HSD17B12: variants seen among roughly 807,000 people sequenced by gnomAD.
The protein encoded by HSD17B12 is hydroxysteroid 17-beta dehydrogenase 12, also known as very-long-chain 3-oxoacyl-CoA reductase.
HSD17B12 carries 32 observed loss-of-function variants against 39.3 expected under a neutral mutation model. The observed-to-expected ratio is 0.81, with a 90% CI of 0.61 to 1.09. The LOEUF is 1.09. Among genes scored for constraint, HSD17B12 ranks in the 50% least tolerant of loss-of-function variants. The pLI, the probability that HSD17B12 is intolerant of heterozygous loss-of-function variation, is 0.00. For missense variants in HSD17B12, 342 were observed against 382.9 expected (o/e 0.89, Z 0.89); for synonymous variants, 150 against 146.7 (o/e 1.02, Z -0.16).
the HSD17B12 span, among the ~76,000 whole-genome samples, chr11:43,651,877 C>T: frequency 6.6e-6 from 1 of 152,116 alleles, no homozygotes; most frequent in African/African-American, 2.4e-5. Flanking sequence ...TGTGCTCAGC[C>T]ACAAAACCAT....
At chr11:43,672,066 A>G in the HSD17B12 span, among the ~76,000 whole-genome samples, 1 of 152,094 alleles carries the variant, frequency 6.6e-6, no homozygotes, top group Middle Eastern at 3.4e-3. Context: ...TATTTTTTTT[A>G]GAGACCGAGT....
chr11:43,665,963 G>A, the HSD17B12 span, among the ~76,000 whole-genome samples: 3 of 152,230 alleles, frequency 2.0e-5, no homozygotes, highest in Non-Finnish European at 4.4e-5. Context: ...GAAGTAGATG[G>A]AGTTTATTGT....
At chr11:43,755,425 G>C (rs1253764535) in intron 3 of HSD17B12, 1 of 152,292 alleles carries the variant, frequency 6.6e-6, no homozygotes, top group African/African-American at 2.4e-5. Context: ...TGGAATTCAA[G>C]TCCGCAGATC....
the HSD17B12 span, among the ~76,000 whole-genome samples, chr11:43,648,725 T>A: frequency 4.2e-3 from 611 of 145,060 alleles, 5 homozygotes; most frequent in Middle Eastern, 0.039. Flanking sequence ...GATTTGAAAA[T>A]TTTTTTTGTT....
chr11:43,787,164 G>A (rs939493568), intron 3 of HSD17B12, among the ~76,000 whole-genome samples: 1 of 151,980 alleles, frequency 6.6e-6, no homozygotes, highest in African/African-American at 2.4e-5. Context: ...CTGATCGCAA[G>A]CTACTGACCT....
intron 9 of HSD17B12, chr11:43,853,728 G>T (rs1156494633): frequency 5.3e-5 from 8 of 152,118 alleles, no homozygotes; most frequent in Non-Finnish European, 8.8e-5. Flanking sequence ...GCTCAAGGCT[G>T]CAGTGAGCTA....
the HSD17B12 span, among the ~76,000 whole-genome samples, chr11:43,566,302 A>G: frequency 2.0e-5 from 3 of 152,174 alleles, no homozygotes; most frequent in South Asian, 2.1e-4. Flanking sequence ...CTCTCATCAA[A>G]TATTTTTAAC....
the HSD17B12 span, among the ~76,000 whole-genome samples, chr11:43,654,440 T>C: frequency 6.6e-6 from 1 of 152,098 alleles, no homozygotes; most frequent in Non-Finnish European, 1.5e-5. Flanking sequence ...ATGCCATTGC[T>C]TTTGGTGTTT....
At chr11:43,698,086 G>T (rs1320519016) in intron 1 of HSD17B12, among the ~76,000 whole-genome samples, 2 of 152,126 alleles carry the variant, frequency 1.3e-5, no homozygotes, top group African/African-American at 4.8e-5. Context: ...CTGAGACAGG[G>T]ACTGGGAGAG....
intron 4 of HSD17B12, among the ~76,000 whole-genome samples, chr11:43,814,521 G>A (rs2037296): frequency 0.22 from 33,785 of 151,932 alleles, 3,993 homozygotes; most frequent in Middle Eastern, 0.37. Flanking sequence ...TTCCAGGGCT[G>A]GGGAAAACCA....
intron 3 of HSD17B12, among the ~76,000 whole-genome samples, chr11:43,766,906 A>C (rs1950600495): frequency 6.6e-6 from 1 of 152,224 alleles, no homozygotes. Flanking sequence ...GTTTGTTACC[A>C]GTCGTTTACT....
intron 3 of HSD17B12, among the ~76,000 whole-genome samples, chr11:43,793,942 G>T (rs1950892783): frequency 6.6e-6 from 1 of 152,214 alleles, no homozygotes; most frequent in Admixed American, 6.5e-5. Flanking sequence ...TAGATAGAAA[G>T]GGAGTGAATA....
chr11:43,776,337 A>G (rs11037625), intron 3 of HSD17B12, among the ~76,000 whole-genome samples: 3,604 of 149,186 alleles, frequency 0.024, 98 homozygotes, highest in African/African-American at 0.056. Flanking sequence ...GTTTTGATTT[A>G]CATTTCTCTG....
intron 1 of HSD17B12, 52 bp downstream of exon 1, chr11:43,681,039 CCTGGGCCGTGATGA>C (rs1159449327): frequency 7.3e-6 from 11 of 1,504,034 alleles, no homozygotes; most frequent in African/African-American, 1.4e-5. Context: ...CCGGACCAGG[CCTGGGCCGTGATGA>C]CTAGTTCTGG....
At chr11:43,558,105 A>G in the HSD17B12 span, among the ~76,000 whole-genome samples, 1 of 152,278 alleles carries the variant, frequency 6.6e-6, no homozygotes, top group South Asian at 2.1e-4. Flanking sequence ...TAGTTTTGAC[A>G]GGGACTTCAA....
intron 1 of HSD17B12, among the ~76,000 whole-genome samples, chr11:43,748,513 C>T (rs1734842700): frequency 1.3e-5 from 2 of 152,068 alleles, no homozygotes; most frequent in South Asian, 4.1e-4. Flanking sequence ...GTACTATCCT[C>T]ACTACCTGTG....
At chr11:43,828,263 C>T (rs1228617163) in intron 6 of HSD17B12, among the ~76,000 whole-genome samples, 1 of 149,560 alleles carries the variant, frequency 6.7e-6, no homozygotes, top group Non-Finnish European at 1.5e-5. Flanking sequence ...CTGCCTCAGC[C>T]TCCCAAGTAG....
At chr11:43,685,196 A>C (rs1949787172) in intron 1 of HSD17B12, among the ~76,000 whole-genome samples, 1 of 152,224 alleles carries the variant, frequency 6.6e-6, no homozygotes, top group Non-Finnish European at 1.5e-5. Context: ...GCAGTATTCC[A>C]AGGTTCTCCT....
At chr11:43,665,040 A>T in the HSD17B12 span, among the ~76,000 whole-genome samples, 1 of 152,218 alleles carries the variant, frequency 6.6e-6, no homozygotes, top group African/African-American at 2.4e-5. Flanking sequence ...TTATAGAAAA[A>T]ATGTTCATTC....
Sources: allele counts gnomAD v4.1 joint callset (sites outside exome capture counted in the v4.1 genomes callset), GRCh38; gene constraint gnomAD v4.1.1; transcripts MANE v1.5; gene names NCBI Gene and HGNC (gene_info 2026-07-23, HGNC 2026-07-21).